SETBP1: variants seen among roughly 807,000 people sequenced by gnomAD.
SETBP1 encodes SET binding protein 1.
A neutral mutation model predicts 101.0 loss-of-function variants in SETBP1; 9 were observed. The observed-to-expected ratio is 0.09, with a 90% confidence interval of 0.05 to 0.16. The LOEUF (loss-of-function observed/expected upper bound fraction) is 0.16, where lower values mean the gene tolerates loss of function less well. Among genes scored for constraint, SETBP1 ranks in the 10% least tolerant of loss-of-function variants. SETBP1 has a pLI of 1.00. For missense variants in SETBP1, 1,858 were observed against 2,033.8 expected (o/e 0.91, Z 1.66); for synonymous variants, 818 against 788.5 (o/e 1.04, Z -0.63).
chr18:44,889,226 C>T (rs145114595), intron 3 of SETBP1, among the ~76,000 whole-genome samples: 22 of 152,218 alleles, frequency 1.4e-4, no homozygotes, highest in East Asian at 5.8e-4. Context: ...CATAAACCTC[C>T]GTGGCTTTAA....
intron 2 of SETBP1, among the ~76,000 whole-genome samples, chr18:44,800,264 T>C (rs2071577541): frequency 6.6e-6 from 1 of 152,194 alleles, no homozygotes; most frequent in Non-Finnish European, 1.5e-5. Flanking sequence ...ATGCCTGCTT[T>C]GGATGTCATT....
intron 3 of SETBP1, among the ~76,000 whole-genome samples, chr18:44,907,548 C>T (rs1357083344): frequency 6.6e-6 from 1 of 152,086 alleles, no homozygotes; most frequent in East Asian, 1.9e-4. Context: ...TATGGCCACC[C>T]TAGAAGGTAT....
chr18:44,775,667 G>A (rs1045395806), intron 2 of SETBP1, among the ~76,000 whole-genome samples: 6 of 145,692 alleles, frequency 4.1e-5, no homozygotes, highest in African/African-American at 1.5e-4. Flanking sequence ...TACTTTTCAT[G>A]TTTAGGTCAG....
intron 2 of SETBP1, among the ~76,000 whole-genome samples, chr18:44,758,034 G>A (rs1007147869): frequency 6.6e-6 from 1 of 152,156 alleles, no homozygotes; most frequent in Non-Finnish European, 1.5e-5. Context: ...AGGTTGAGGC[G>A]GGGTGGAGGA....
At chr18:44,692,958 T>A (rs73952912) in intron 1 of SETBP1, among the ~76,000 whole-genome samples, 3,178 of 152,270 alleles carry the variant, frequency 0.021, 99 homozygotes, top group African/African-American at 0.073. Flanking sequence ...GATCAGGAAC[T>A]TACCACACAA....
In SETBP1 at chr18:45,036,738, C is replaced by T. The variant is rs560242440; in HGVS notation, c.4001-1747C>T. On this transcript the variant is annotated intron_variant, in intron 4 of 5. Coordinates refer to ENST00000649279, the MANE Select transcript of SETBP1 (RefSeq NM_015559.3). ...GAGGAAGGAAGGAGGTAAATGTCAG[C>T]ATGACTGTCTTCCTTAGGTAGTTAC... Among the ~76,000 whole-genome samples the T allele has an allele frequency of 2.0e-5, 3 of 152,322 alleles. 1 individual carries two copies. The highest frequency in any genetic ancestry group is 1.9e-4 in the East Asian group (1 of 5,178).
chr18:44,699,215 A>T (rs1359490533), intron 1 of SETBP1, among the ~76,000 whole-genome samples: 2 of 152,172 alleles, frequency 1.3e-5, no homozygotes, highest in Non-Finnish European at 2.9e-5. Context: ...GTCGTTGGAG[A>T]TTCCTGCCAA....
intron 2 of SETBP1, among the ~76,000 whole-genome samples, chr18:44,795,266 G>A (rs1308760710): frequency 6.6e-6 from 1 of 152,154 alleles, no homozygotes; most frequent in Non-Finnish European, 1.5e-5. Context: ...AATAGCATGG[G>A]TGGTCTCTTA....
intron 2 of SETBP1, among the ~76,000 whole-genome samples, chr18:44,829,952 G>A (rs1411261729): frequency 6.6e-6 from 1 of 152,150 alleles, no homozygotes; most frequent in Admixed American, 6.5e-5. Flanking sequence ...GTATAAAATA[G>A]TATTCTTGAG....
intron 4 of SETBP1, among the ~76,000 whole-genome samples, chr18:44,960,841 G>A (rs1225901104): frequency 6.6e-6 from 1 of 151,980 alleles, no homozygotes; most frequent in African/African-American, 2.4e-5. Flanking sequence ...TCCACCCCCG[G>A]ATTATAACTA....
chr18:44,717,014 TCC>T (rs2069482624), intron 2 of SETBP1, among the ~76,000 whole-genome samples: 1 of 152,168 alleles, frequency 6.6e-6, no homozygotes, highest in South Asian at 2.1e-4. Flanking sequence ...TACCGAATCT[TCC>T]CCACAACCGC....
chr18:44,771,013 A>T (rs2070859950), intron 2 of SETBP1, among the ~76,000 whole-genome samples: 1 of 151,950 alleles, frequency 6.6e-6, no homozygotes, highest in Non-Finnish European at 1.5e-5. Flanking sequence ...CCCACTCTAG[A>T]CTATTGATTT....
intron 2 of SETBP1, among the ~76,000 whole-genome samples, chr18:44,724,218 G>T (rs1255905380): frequency 6.6e-6 from 1 of 152,216 alleles, no homozygotes; most frequent in Non-Finnish European, 1.5e-5. Context: ...AGTGGTTAGA[G>T]GAAGTTGGGA....
chr18:44,862,013 TATCTC>T (rs2069025201), intron 2 of SETBP1, among the ~76,000 whole-genome samples: 1 of 152,214 alleles, frequency 6.6e-6, no homozygotes, highest in African/African-American at 2.4e-5. Flanking sequence ...GGTCTCTAAT[TATCTC>T]TTCAATCTGA....
At chr18:44,927,496 G>T (rs768493318) in intron 3 of SETBP1, among the ~76,000 whole-genome samples, 1 of 152,216 alleles carries the variant, frequency 6.6e-6, no homozygotes, top group Non-Finnish European at 1.5e-5. Context: ...AAGAAAAGGG[G>T]ATAAGGTGTG....
chr18:44,984,707 C>G (rs1277187052), intron 4 of SETBP1, among the ~76,000 whole-genome samples: 1 of 152,162 alleles, frequency 6.6e-6, no homozygotes, highest in Non-Finnish European at 1.5e-5. Flanking sequence ...GTCATGTTGC[C>G]TGACATGTAA....
Position 44,773,838 on chromosome 18 carries a change from A to ATGTG in SETBP1, c.486+72036_486+72039dup, listed in dbSNP as rs61649185. On this transcript the variant is annotated intron_variant, in intron 2 of 5. Coordinates refer to ENST00000649279, the MANE Select transcript of SETBP1 (RefSeq NM_015559.3). ...TCTCTCTCTCTGTCTCTCTCTGTTT[A>ATGTG]TGTGTGTGTGTGTGTGTGTGTGTGT... Among the ~76,000 whole-genome samples the ATGTG allele has an allele frequency of 5.9e-3, 797 of 134,262 alleles. 7 individuals carry two copies. The highest frequency in any genetic ancestry group is 0.015 in the African/African-American group (544 of 35,524). 88.1% of individuals were successfully genotyped at this position (134,262 alleles called of 152,430 possible).
At chr18:44,841,016 G>C (rs935179256) in intron 2 of SETBP1, among the ~76,000 whole-genome samples, 1 of 152,230 alleles carries the variant, frequency 6.6e-6, no homozygotes, top group Admixed American at 6.5e-5. Context: ...CCCTGTATTA[G>C]CTATCTATTG....
chr18:44,997,615 C>G (rs1014697270), intron 4 of SETBP1, among the ~76,000 whole-genome samples: 1 of 152,108 alleles, frequency 6.6e-6, no homozygotes, highest in Admixed American at 6.6e-5. Flanking sequence ...GAAATGGATA[C>G]CATATCTTTA....
Sources: allele counts gnomAD v4.1 joint callset (sites outside exome capture counted in the v4.1 genomes callset), GRCh38; gene constraint gnomAD v4.1.1; transcripts MANE v1.5; gene names NCBI Gene and HGNC (gene_info 2026-07-23, HGNC 2026-07-21).